The following TAF1 variants were observed in gnomAD, a reference collection of about 807,000 sequenced individuals.
TAF1 encodes TATA-box binding protein associated factor 1, also known as transcription initiation factor TFIID subunit 1.
Under a neutral mutation model 138.5 loss-of-function variants are expected in TAF1, and 2 were observed. That is an observed-to-expected ratio of 0.01 (90% CI 0.01 to 0.05). The LOEUF (loss-of-function observed/expected upper bound fraction) is 0.05, where lower values mean the gene tolerates loss of function less well. TAF1 is among the 10% of genes least tolerant of loss of function. The pLI is 1.00. For missense variants in TAF1, 709 were observed against 1,478.0 expected (o/e 0.48, Z 8.53); for synonymous variants, 437 against 503.2 (o/e 0.87, Z 1.76).
At chrX:71,519,951 G>A (rs2039899890) in intron 13 of TAF1, among the ~76,000 whole-genome samples, 1 of 108,440 alleles carries the variant, frequency 9.2e-6, no homozygotes, top group African/African-American at 3.4e-5. Flanking sequence ...GATTACAGGT[G>A]CCCACCACCA....
intron 34 of TAF1, 49 bp downstream of exon 34, chrX:71,454,906 G>A (rs201135522): frequency 1.7e-6 from 2 of 1,196,609 alleles, no homozygotes. Context: ...TTATTGGTTT[G>A]GGAAATTGGG....
At chrX:71,503,971 G>A (rs2039570586) in intron 13 of TAF1, among the ~76,000 whole-genome samples, 2 of 111,002 alleles carry the variant, frequency 1.8e-5, no homozygotes, top group Admixed American at 9.7e-5. Flanking sequence ...TTTTGTAGAC[G>A]TGATTGAAGT....
intron 13 of TAF1, among the ~76,000 whole-genome samples, chrX:71,475,017 G>C (rs1358520689): frequency 9.0e-6 from 1 of 111,669 alleles, no homozygotes; most frequent in Non-Finnish European, 1.9e-5. Context: ...TAGGAAATCA[G>C]GGATGGGGGT....
Position 71,503,298 on chromosome X carries a change from G to GTATATA in TAF1, c.1367-25226_1367-25221dup, listed in dbSNP as rs1161129315. On this transcript the variant is annotated intron_variant and NMD_transcript_variant, in intron 13 of 14. Coordinates refer to the TAF1 transcript ENST00000373775. The stretch of plus-strand genomic sequence containing the variant: ...AAAAAATATATATATATATATATGT[G>GTATATA]TATATATATATATATATATATATGT... 3.2e-3 allele frequency among the ~76,000 whole-genome samples: 253 copies of GTATATA among 80,217 alleles called. 3 individuals carry two copies. Among genetic ancestry groups the GTATATA allele is most frequent in the African/African-American group, 0.011 (213 of 20,066 alleles). The allele number at this position is 80,217 out of a possible 115,157, so 69.7% of individuals were successfully genotyped here.
chrX:71,446,740 A>G (rs748806303), intron 32 of TAF1, among the ~76,000 whole-genome samples: 1 of 112,091 alleles, frequency 8.9e-6, no homozygotes, highest in African/African-American at 3.2e-5. Context: ...TGGGCTTTTC[A>G]TCAAATAGGC....
chrX:71,500,165 T>A (rs1348835402), intron 13 of TAF1, among the ~76,000 whole-genome samples: 3 of 111,279 alleles, frequency 2.7e-5, no homozygotes, highest in African/African-American at 9.8e-5. Context: ...GGAGGTAAGC[T>A]GAGAGGTCCT....
intron 21 of TAF1, 106 bp downstream of exon 21, chrX:71,393,582 T>G: frequency 2.1e-6 from 2 of 948,965 alleles, no homozygotes; most frequent in Non-Finnish European, 2.8e-6. Context: ...ACTACCTAGG[T>G]AGTCAGATAT....
rs891361043 is a variant in TAF1 at position 71,464,422 on chromosome X, C to T, written c.*376C>T. 3 of 333,133 alleles carry T rather than the reference C, an allele frequency of 9.0e-6. No homozygotes were observed. Among genetic ancestry groups the T allele is most frequent in the East Asian group, 4.5e-5 (1 of 22,448 alleles). The allele number at this position is 333,133 out of a possible 1,213,427, so 27.5% of individuals were successfully genotyped here. Reference sequence around the variant, plus strand: ...TCCTCTTGATGTATTAGGAAATTTCCGGCCAGGCGTGGTGGCTCACACCTG... The same window carrying T: ...TCCTCTTGATGTATTAGGAAATTTCTGGCCAGGCGTGGTGGCTCACACCTG... On this transcript the variant is annotated 3_prime_UTR_variant, in exon 38 of 38. Transcript: ENST00000423759.
intron 2 of TAF1, 66 bp downstream of exon 2, chrX:71,367,679 T>TTG (rs1466834107): frequency 8.9e-7 from 1 of 1,125,961 alleles, no homozygotes; most frequent in African/African-American, 1.8e-5. Context: ...ATGTACTTTT[T>TTG]TGTGTGTGTA....
intron 32 of TAF1, among the ~76,000 whole-genome samples, chrX:71,443,142 G>A (rs1238083378): frequency 9.0e-6 from 1 of 111,645 alleles, no homozygotes; most frequent in African/African-American, 3.3e-5. Flanking sequence ...TTGGCAATGT[G>A]GGCTCTTTTT....
chrX:71,437,155 C>T (rs957402014), intron 32 of TAF1, among the ~76,000 whole-genome samples: 2 of 110,885 alleles, frequency 1.8e-5, no homozygotes, highest in East Asian at 2.8e-4. Flanking sequence ...TTTTCATTGT[C>T]GATATTCAAT....
chrX:71,508,086 C>CTCTCTCTCTCTCTATATATA (rs4040068), intron 13 of TAF1, among the ~76,000 whole-genome samples: 121 of 92,157 alleles, frequency 1.3e-3, no homozygotes, highest in Non-Finnish European at 1.8e-3. Context: ...CTCTCTCTCT[C>CTCTCTCTCTCTCTATATATA]TATATATATA....
At position 71,406,638 on chromosome X, in the gene TAF1, T is replaced by C; in HGVS notation, c.3999T>C (p.Ser1333=). 8.3e-7 allele frequency: 1 copy of C among 1,209,872 alleles called. No individual in the cohort carries two copies. The highest frequency in any genetic ancestry group is 1.8e-5 in the South Asian group (1 of 56,793). The change falls in exon 26 of 38, where the codon AGT becomes AGC. Residue 1333 remains serine (S), a splice_region_variant and synonymous_variant. Coordinates refer to ENST00000423759, the MANE Select transcript of TAF1 (RefSeq NM_004606.5). The part of the protein sequence containing the change: ...KIVLGKQLIE[S]ADEVRRKSLV... ...TCTAACTAAAGTGTTTTGATTTTAG[T>C]GCGGATGAGGTTCGCAGAAAATCTC...
chrX:71,494,338 G>A (rs917581347), intron 13 of TAF1, among the ~76,000 whole-genome samples: 8 of 110,044 alleles, frequency 7.3e-5, no homozygotes, highest in African/African-American at 9.9e-5. Context: ...CAGAAGAATC[G>A]CTTGAACCTG....
chrX:71,433,992 G>A (rs753236140), intron 32 of TAF1, among the ~76,000 whole-genome samples: 6 of 112,069 alleles, frequency 5.4e-5, no homozygotes, highest in East Asian at 2.8e-4. Context: ...ACTATCAGGC[G>A]ATATACACGA....
chrX:71,527,994 C>T, intron 13 of TAF1: 2 of 169,105 alleles, frequency 1.2e-5, no homozygotes, highest in South Asian at 1.1e-4. Context: ...TCCAGGTAAC[C>T]GAGACCTTCA....
intron 25 of TAF1, among the ~76,000 whole-genome samples, chrX:71,406,346 AGAG>A (rs1227924609): frequency 2.9e-5 from 3 of 101,717 alleles, no homozygotes; most frequent in African/African-American, 1.2e-4. Flanking sequence ...AAAAAAAAAA[AGAG>A]AATGTTGGAA....
At chrX:71,405,100 G>A (rs1207863931) in intron 25 of TAF1, among the ~76,000 whole-genome samples, 1 of 107,853 alleles carries the variant, frequency 9.3e-6, no homozygotes, top group Non-Finnish European at 1.9e-5. Flanking sequence ...GGGATTACAG[G>A]TGCCCGCCAC....
chrX:71,479,751 A>G (rs2039040025), intron 13 of TAF1, among the ~76,000 whole-genome samples: 2 of 111,376 alleles, frequency 1.8e-5, no homozygotes, highest in Non-Finnish European at 3.8e-5. Context: ...TCTTTAAATT[A>G]TATATGAGAT....
Sources: allele counts gnomAD v4.1 joint callset (sites outside exome capture counted in the v4.1 genomes callset), GRCh38; gene constraint gnomAD v4.1.1; transcripts MANE v1.5; gene names NCBI Gene and HGNC (gene_info 2026-07-23, HGNC 2026-07-21).